CMIP: variants seen among roughly 807,000 people sequenced by gnomAD.
CMIP encodes the protein C-Maf-inducing protein.
Under a neutral mutation model 97.3 loss-of-function variants are expected in CMIP, and 13 were observed. That is an observed-to-expected ratio of 0.13 (90% confidence interval 0.09 to 0.21). The LOEUF (loss-of-function observed/expected upper bound fraction) is 0.21, where lower values mean the gene tolerates loss of function less well. CMIP is among the 10% of genes least tolerant of loss of function. The probability of loss-of-function intolerance (pLI) is 1.00; values close to 1 mark genes in which losing one functional copy is unlikely to be tolerated. For synonymous variants in CMIP, 538 were observed against 436.3 expected, an observed-to-expected ratio of 1.23 and a Z score of -2.91; for missense variants, 847 against 1,024.9, an observed-to-expected ratio of 0.83 and a Z score of 2.37.
intron 6 of CMIP, 31 bp from the exon 7 acceptor site, chr16:81,664,237 GC>G: frequency 1.3e-6 from 2 of 1,563,598 alleles, no homozygotes; most frequent in South Asian, 2.4e-5. Flanking sequence ...CATTCTTAGG[GC>G]CGCAGTAACT....
chr16:81,566,253 G>C (rs1483725968), intron 1 of CMIP, among the ~76,000 whole-genome samples: 1 of 152,190 alleles, frequency 6.6e-6, no homozygotes, highest in Non-Finnish European at 1.5e-5. Context: ...GTGGACTTAG[G>C]CCTTATTCAT....
At chr16:81,634,646 C>T (rs1239322618) in intron 3 of CMIP, among the ~76,000 whole-genome samples, 1 of 152,162 alleles carries the variant, frequency 6.6e-6, no homozygotes, top group Non-Finnish European at 1.5e-5. Context: ...TGCGCCTTCT[C>T]CTATATTCAA....
At chr16:81,663,357 T>A (rs1398538532) in intron 6 of CMIP, among the ~76,000 whole-genome samples, 1 of 151,536 alleles carries the variant, frequency 6.6e-6, no homozygotes, top group Non-Finnish European at 1.5e-5. Flanking sequence ...AAATGCATAT[T>A]AGTAAGTGAG....
At chr16:81,705,130 A>G (rs182846400) in intron 18 of CMIP, among the ~76,000 whole-genome samples, 1 of 152,162 alleles carries the variant, frequency 6.6e-6, no homozygotes, top group Non-Finnish European at 1.5e-5. Context: ...AACTGGGGAC[A>G]GTCCCTGCAG....
chr16:81,645,212 G>A (rs1024472327), intron 3 of CMIP: 1 of 364,578 alleles, frequency 2.7e-6, no homozygotes, highest in Non-Finnish European at 4.8e-6. Flanking sequence ...TGTAGGACCT[G>A]CACTGGAAAA....
chr16:81,702,690 T>A, intron 17 of CMIP, 21 bp downstream of exon 17: 1 of 1,610,248 alleles, frequency 6.2e-7, no homozygotes, highest in Non-Finnish European at 8.5e-7. Context: ...TTGGTTCTCT[T>A]TGGGGCTGGA....
chr16:81,646,109 G>A (rs1270972318), intron 3 of CMIP, among the ~76,000 whole-genome samples: 1 of 151,870 alleles, frequency 6.6e-6, no homozygotes, highest in Non-Finnish European at 1.5e-5. Context: ...GGATGATGAG[G>A]TGGGTGAAGG....
At chr16:81,583,097 G>A (rs968506405) in intron 1 of CMIP, among the ~76,000 whole-genome samples, 1 of 152,406 alleles carries the variant, frequency 6.6e-6, no homozygotes, top group Non-Finnish European at 1.5e-5. Context: ...GGCACTCAGA[G>A]GGTAAGCTCT....
At chr16:81,603,400 A>G (rs1343831669) in intron 1 of CMIP, 15 of 454,306 alleles carry the variant, frequency 3.3e-5, no homozygotes, top group Non-Finnish European at 6.6e-5. Context: ...GTTTTTAAAT[A>G]AACATTTTCT....
At chr16:81,576,725 C>T (rs1287039781) in intron 1 of CMIP, among the ~76,000 whole-genome samples, 1 of 152,134 alleles carries the variant, frequency 6.6e-6, no homozygotes, top group Non-Finnish European at 1.5e-5. Context: ...TGCTGAAGAA[C>T]ACAGGGTCTA....
intron 1 of CMIP, among the ~76,000 whole-genome samples, chr16:81,586,494 A>G (rs1446723589): frequency 6.6e-6 from 1 of 152,124 alleles, no homozygotes; most frequent in Non-Finnish European, 1.5e-5. Context: ...TGTCTCCCGT[A>G]CTAGGAGAAT....
At chr16:81,528,238 G>A (rs535885022) in intron 1 of CMIP, among the ~76,000 whole-genome samples, 1 of 152,118 alleles carries the variant, frequency 6.6e-6, no homozygotes, top group Non-Finnish European at 1.5e-5. Flanking sequence ...TTTTTAAGGA[G>A]ATGGTTGAAA....
At chr16:81,499,959 C>A (rs1567545880) in intron 1 of CMIP, among the ~76,000 whole-genome samples, 1 of 152,230 alleles carries the variant, frequency 6.6e-6, no homozygotes, top group Admixed American at 6.5e-5. Context: ...CTGGGCTTCA[C>A]CTGGCTCCTC....
At chr16:81,508,818 G>C (rs980840179) in intron 1 of CMIP, among the ~76,000 whole-genome samples, 2 of 152,206 alleles carry the variant, frequency 1.3e-5, no homozygotes, top group South Asian at 4.1e-4. Context: ...CCCCAGGATG[G>C]GGATCCTCAT....
intron 1 of CMIP, among the ~76,000 whole-genome samples, chr16:81,471,161 G>C (rs191596763): frequency 6.6e-6 from 1 of 151,952 alleles, no homozygotes; most frequent in Non-Finnish European, 1.5e-5. Flanking sequence ...ACATATACAC[G>C]TATACACATA....
rs2091964003 is a variant in CMIP, at chr16:81,619,446, T to C, written c.427-1430T>C. The C allele has an allele frequency of 2.0e-5, 3 of 152,046 alleles. No individual in the cohort carries two copies. In the South Asian group the frequency reaches 6.2e-4, roughly 31 times the overall value. The allele number at this position is 152,046 out of a possible 1,614,324, so 9.4% of individuals were successfully genotyped here. A position where few individuals can be genotyped will look rare whatever the true frequency, so the allele number is the denominator to read the frequency against. On this transcript the variant is annotated intron_variant, in intron 2 of 20. Transcript: ENST00000537098. Reference sequence around the variant, plus strand: ...TGATCCGGATCTCCTCGAACAAGGGTGAAACAAAGCGGTTACATGCTTGAG... The same window carrying C: ...TGATCCGGATCTCCTCGAACAAGGGCGAAACAAAGCGGTTACATGCTTGAG...
At chr16:81,569,852 G>A (rs2091051840) in intron 1 of CMIP, among the ~76,000 whole-genome samples, 2 of 152,232 alleles carry the variant, frequency 1.3e-5, no homozygotes, top group Non-Finnish European at 2.9e-5. Context: ...GCTGCATAGG[G>A]TGGTTGATTG....
intron 1 of CMIP, among the ~76,000 whole-genome samples, chr16:81,463,485 G>A (rs892018908): frequency 3.3e-5 from 5 of 152,174 alleles, no homozygotes; most frequent in African/African-American, 1.2e-4. Context: ...CGGCGGTTGT[G>A]GTTTTTATTC....
At position 81,614,137 on chromosome 16, in the gene CMIP, T is replaced by C. The variant is rs968939082; in HGVS notation, c.426+6445T>C. 9.2e-5 allele frequency among the ~76,000 whole-genome samples: 14 copies of C among 151,954 alleles called. No individual in the cohort carries two copies. Among genetic ancestry groups the C allele is most frequent in the African/African-American group, 3.1e-4 (13 of 41,334 alleles). ...GAGAAGTGGCATTTCAGGAGGGACC[T>C]GAAGTGTAAGTAGGAGTCCAGCGGG... is the stretch of plus-strand genomic sequence containing the variant. On this transcript the variant is annotated intron_variant, in intron 2 of 20. Transcript: ENST00000537098. The surrounding 1 kb of genome is among the most constrained non-coding windows in gnomAD (Gnocchi z 5.3).
Sources: gnomAD v4.1 joint callset for allele counts (sites outside exome capture counted in the v4.1 genomes callset) on GRCh38, gnomAD v4.1.1 for gene constraint, Gnocchi (gnomAD v3.1) non-coding constraint, MANE v1.5 for transcripts, NCBI Gene and HGNC (gene_info 2026-07-23, HGNC 2026-07-21) for gene names.